The following SPTSSA variants were observed in gnomAD, a reference collection of about 807,000 sequenced individuals.
The protein encoded by SPTSSA is small subunit of serine palmitoyltransferase A.
Under a neutral mutation model 9.1 loss-of-function variants are expected in SPTSSA, and 8 were observed. The observed-to-expected ratio is 0.88, with a 90% CI of 0.51 to 1.58. The LOEUF (loss-of-function observed/expected upper bound fraction) is 1.58, where lower values mean the gene tolerates loss of function less well. SPTSSA is among the 40% of genes most tolerant of loss of function. The pLI, the probability that SPTSSA is intolerant of heterozygous loss-of-function variation, is 0.00. For synonymous variants in SPTSSA, 42 were observed against 37.7 expected (o/e 1.11, Z -0.41); for missense variants, 100 against 93.8 (o/e 1.07, Z -0.27).
intron 1 of SPTSSA, among the ~76,000 whole-genome samples, chr14:34,459,442 G>A (rs1878566225): frequency 6.9e-6 from 1 of 145,344 alleles, no homozygotes; most frequent in Non-Finnish European, 1.5e-5. Flanking sequence ...CTCGGCAACA[G>A]AGCGAGACAC....
rs150387128 is a variant in SPTSSA, at chr14:34,462,154, G to A, written c.54C>T (p.Tyr18=). The change falls in exon 1 of 2, where the codon TAC becomes TAT. Residue 18 remains tyrosine (Y), a synonymous_variant. Coordinates refer to ENST00000298130, the MANE Select transcript of SPTSSA (RefSeq NM_138288.4). ...RAWKQMSWFY[Y]QYLLVTALYM... ...AGAGCGCCGTGACCAGCAGGTACTG[G>A]TAGTAGAACCAGGACATCTGCTTCC... 21 of 1,533,128 alleles carry A rather than the reference G, an allele frequency of 1.4e-5. No individual in the cohort carries two copies. The highest frequency in any genetic ancestry group is 1.8e-5 in the Non-Finnish European group (20 of 1,135,984). The allele number at this position is 1,533,128 out of a possible 1,614,324, so 95.0% of individuals were successfully genotyped here.
chr14:34,451,589 G>A (rs891086793), intron 1 of SPTSSA, among the ~76,000 whole-genome samples: 3 of 152,112 alleles, frequency 2.0e-5, no homozygotes, highest in African/African-American at 4.8e-5. Flanking sequence ...CGGGCGCGGT[G>A]GCGGGCGCCT....
chr14:34,458,904 CTTTT>C (rs759940424), intron 1 of SPTSSA, among the ~76,000 whole-genome samples: 1 of 124,036 alleles, frequency 8.1e-6, no homozygotes, highest in Non-Finnish European at 1.6e-5. Context: ...GAAATTACAA[CTTTT>C]TTTTTTTTTT....
chr14:34,443,176 G>C (rs1283160084), intron 1 of SPTSSA, among the ~76,000 whole-genome samples: 1 of 42,930 alleles, frequency 2.3e-5, no homozygotes, highest in Non-Finnish European at 3.9e-5. Context: ...TGTGTGTTTT[G>C]AGATTGAGTT....
intron 1 of SPTSSA, among the ~76,000 whole-genome samples, chr14:34,454,344 T>C (rs1162077304): frequency 6.6e-6 from 1 of 152,226 alleles, no homozygotes; most frequent in African/African-American, 2.4e-5. Flanking sequence ...TGCTGCAGAA[T>C]ATCAATGTGT....
At chr14:34,444,535 C>T (rs971133830) in intron 1 of SPTSSA, among the ~76,000 whole-genome samples, 4 of 152,142 alleles carry the variant, frequency 2.6e-5, no homozygotes, top group African/African-American at 7.2e-5. Flanking sequence ...GGGTGGATCC[C>T]GAGGTCAACA....
Position 34,453,175 on chromosome 14 carries a change from C to T in SPTSSA, c.112+8921G>A, listed in dbSNP as rs560797509. On this transcript the variant is annotated intron_variant, in intron 1 of 1. Coordinates refer to ENST00000298130, the MANE Select transcript of SPTSSA (RefSeq NM_138288.4). ...AGTTTCTGGGGAGTCAAAAGTTGTACACAGATTTTCAACTGCCTGCAGGGT... is the reference window on the plus strand; with the variant it reads ...AGTTTCTGGGGAGTCAAAAGTTGTATACAGATTTTCAACTGCCTGCAGGGT... Among the ~76,000 whole-genome samples the T allele has an allele frequency of 2.4e-4, 36 of 152,282 alleles. No individual in the cohort carries two copies. In the South Asian group the frequency reaches 6.8e-3, roughly 29 times the overall value.
At chr14:34,452,972 C>T (rs1883553923) in intron 1 of SPTSSA, among the ~76,000 whole-genome samples, 1 of 152,148 alleles carries the variant, frequency 6.6e-6, no homozygotes, top group African/African-American at 2.4e-5. Context: ...GGATTTTCTT[C>T]TGCCTCTGCC....
intron 1 of SPTSSA, among the ~76,000 whole-genome samples, chr14:34,455,188 C>A (rs933287120): frequency 6.6e-6 from 1 of 151,108 alleles, no homozygotes; most frequent in African/African-American, 2.4e-5. Context: ...GAGTTTGAGA[C>A]CACCCTGGCT....
chr14:34,461,718 G>A (rs541137431), intron 1 of SPTSSA, among the ~76,000 whole-genome samples: 2 of 152,220 alleles, frequency 1.3e-5, no homozygotes, highest in Non-Finnish European at 2.9e-5. Flanking sequence ...GGAGCGATGT[G>A]CTCCACTGTT....
intron 1 of SPTSSA, among the ~76,000 whole-genome samples, chr14:34,444,724 C>T (rs1430723335): frequency 6.6e-6 from 1 of 151,100 alleles, no homozygotes; most frequent in Non-Finnish European, 1.5e-5. Flanking sequence ...TGTACTCCAG[C>T]CTGGGCCACA....
At chr14:34,461,783 C>G (rs1461809728) in intron 1 of SPTSSA, among the ~76,000 whole-genome samples, 1 of 152,166 alleles carries the variant, frequency 6.6e-6, no homozygotes, top group Non-Finnish European at 1.5e-5. Flanking sequence ...CAGTTGCGGC[C>G]GAAGTGCAGG....
At chr14:34,449,675 A>C (rs906654520) in intron 1 of SPTSSA, among the ~76,000 whole-genome samples, 2 of 151,118 alleles carry the variant, frequency 1.3e-5, no homozygotes, top group Non-Finnish European at 2.9e-5. Context: ...GCTGATTTTT[A>C]TATTTTTAGT....
At chr14:34,435,510 T>C (rs970828053) in intron 1 of SPTSSA, among the ~76,000 whole-genome samples, 2 of 152,140 alleles carry the variant, frequency 1.3e-5, no homozygotes, top group Admixed American at 6.5e-5. Flanking sequence ...TTTGTTTTAT[T>C]TTGTTTTTAG....
Position 34,435,154 on chromosome 14 carries a change from T to C in SPTSSA, c.*47A>G, listed in dbSNP as rs1883218394. 3 of 1,491,246 alleles carry C rather than the reference T, an allele frequency of 2.0e-6. No individual in the cohort carries two copies. The highest frequency in any genetic ancestry group is 2.3e-5 in the East Asian group (1 of 44,074). 92.4% of individuals were successfully genotyped at this position (1,491,246 alleles called of 1,614,324 possible). A position where few individuals can be genotyped will look rare whatever the true frequency, so the allele number is the denominator to read the frequency against. On this transcript the variant is annotated 3_prime_UTR_variant, in exon 2 of 2. Transcript: ENST00000298130. ...ATCTGATGGTCTCATTCCAACTTCG[T>C]AGGGTGGGTCTTCCCCAAGGAACCT...
At chr14:34,450,479 T>C (rs539207503) in intron 1 of SPTSSA, among the ~76,000 whole-genome samples, 1 of 152,370 alleles carries the variant, frequency 6.6e-6, no homozygotes, top group East Asian at 1.9e-4. Flanking sequence ...GAAGGTAATA[T>C]ACAAAGTAAT....
intron 1 of SPTSSA, among the ~76,000 whole-genome samples, chr14:34,448,465 G>A (rs1883463373): frequency 6.6e-6 from 1 of 152,152 alleles, no homozygotes; most frequent in Non-Finnish European, 1.5e-5. Context: ...GAGAACATCA[G>A]GCCGATTCAC....
intron 1 of SPTSSA, among the ~76,000 whole-genome samples, chr14:34,458,623 A>T (rs1278051637): frequency 1.4e-5 from 2 of 143,012 alleles, no homozygotes; most frequent in African/African-American, 2.7e-5. Flanking sequence ...CAGCCTCCCG[A>T]GTAGCTGGGA....
At chr14:34,457,707 C>T (rs1308036234) in intron 1 of SPTSSA, among the ~76,000 whole-genome samples, 6 of 152,056 alleles carry the variant, frequency 3.9e-5, no homozygotes, top group Non-Finnish European at 8.8e-5. Flanking sequence ...TTGGCTCATG[C>T]TTATAATCAA....
Sources: allele counts gnomAD v4.1 joint callset (sites outside exome capture counted in the v4.1 genomes callset), GRCh38; gene constraint gnomAD v4.1.1; transcripts MANE v1.5; gene names NCBI Gene and HGNC (gene_info 2026-07-23, HGNC 2026-07-21).